DOCK5: variants seen among roughly 807,000 people sequenced by gnomAD.
The protein encoded by DOCK5 is dedicator of cytokinesis protein 5.
DOCK5 carries 142 observed loss-of-function variants against 251.8 expected under a neutral mutation model. The ratio of observed to expected loss-of-function variants is 0.56; its 90% CI spans 0.49 to 0.65. DOCK5 has a LOEUF of 0.65. Among genes scored for constraint, DOCK5 ranks in the 30% least tolerant of loss-of-function variants. The pLI, the probability that DOCK5 is intolerant of heterozygous loss-of-function variation, is 0.00. For missense variants in DOCK5, 2,111 were observed against 2,312.3 expected, an observed-to-expected ratio of 0.91 and a Z score of 1.79; for synonymous variants, 842 against 835.5, an observed-to-expected ratio of 1.01 and a Z score of -0.13.
chr8:25,195,068 G>A (rs765154408), intron 1 of DOCK5, among the ~76,000 whole-genome samples: 3 of 151,632 alleles, frequency 2.0e-5, no homozygotes, highest in African/African-American at 4.9e-5. Flanking sequence ...CTACAGGTGC[G>A]CATCACCACA....
At chr8:25,205,373 G>C (rs976958358) in intron 1 of DOCK5, among the ~76,000 whole-genome samples, 2 of 152,194 alleles carry the variant, frequency 1.3e-5, no homozygotes, top group African/African-American at 4.8e-5. Flanking sequence ...AACTGACCAT[G>C]ATGGTAACTT....
intron 11 of DOCK5, among the ~76,000 whole-genome samples, chr8:25,306,950 A>G (rs1032380154): frequency 6.6e-6 from 1 of 152,178 alleles, no homozygotes; most frequent in Non-Finnish European, 1.5e-5. Flanking sequence ...TTGCTCCTAG[A>G]CTGTAAACCT....
intron 2 of DOCK5, among the ~76,000 whole-genome samples, chr8:25,253,055 C>T (rs544059660): frequency 1.1e-3 from 162 of 152,298 alleles, no homozygotes; most frequent in East Asian, 9.7e-4. Context: ...AACTCCTGGC[C>T]TCATGTGATC....
chr8:25,248,222 T>G (rs976981464), intron 2 of DOCK5, among the ~76,000 whole-genome samples: 5 of 152,234 alleles, frequency 3.3e-5, no homozygotes, highest in African/African-American at 1.2e-4. Context: ...GATAGGTCCT[T>G]GTATCTGCTA....
intron 1 of DOCK5, among the ~76,000 whole-genome samples, chr8:25,215,093 A>T (rs1563310561): frequency 6.6e-6 from 1 of 152,090 alleles, no homozygotes. Context: ...AGCTGGGGGA[A>T]TCCTGGACTC....
chr8:25,220,412 G>A (rs1016137407), intron 1 of DOCK5, among the ~76,000 whole-genome samples: 2 of 152,032 alleles, frequency 1.3e-5, no homozygotes. Context: ...GCCTTTATCT[G>A]TAGAAATTTC....
At chr8:25,402,288 C>G (rs1801452100) in intron 47 of DOCK5, among the ~76,000 whole-genome samples, 1 of 151,952 alleles carries the variant, frequency 6.6e-6, no homozygotes, top group African/African-American at 2.4e-5. Context: ...CCACCACACC[C>G]AGCTAATTTT....
At chr8:25,391,580 G>C (rs1122115) in intron 42 of DOCK5, among the ~76,000 whole-genome samples, 9,445 of 152,164 alleles carry the variant, frequency 0.062, 365 homozygotes, top group South Asian at 0.1. Flanking sequence ...GCAGCCTGCA[G>C]TGAGCCAAGA....
chr8:25,229,129 C>G (rs113125968), intron 1 of DOCK5, among the ~76,000 whole-genome samples: 8 of 151,328 alleles, frequency 5.3e-5, no homozygotes, highest in African/African-American at 1.9e-4. Context: ...TTGAAGGCAA[C>G]GAAAAGTCGC....
intron 1 of DOCK5, among the ~76,000 whole-genome samples, chr8:25,196,114 T>A (rs929500955): frequency 6.6e-6 from 1 of 152,158 alleles, no homozygotes; most frequent in Non-Finnish European, 1.5e-5. Context: ...GTGAATCCTG[T>A]GGGGTGGGTG....
At chr8:25,233,428 C>T (rs937303912) in intron 1 of DOCK5, among the ~76,000 whole-genome samples, 6 of 152,222 alleles carry the variant, frequency 3.9e-5, no homozygotes, top group South Asian at 4.1e-4. Context: ...TTCCAACCCA[C>T]GTCATCCCAG....
Position 25,414,974 on chromosome 8 carries a change from T to C in DOCK5, c.*3676T>C, listed in dbSNP as rs1801686051. On this transcript the variant is annotated 3_prime_UTR_variant, in exon 52 of 52. Transcript: ENST00000276440. ...ATTCCTTCAGCCCTAGCTGCTTTTATTCTGCTTTTTATTTAAACAAAAAGA... is the reference window on the plus strand; with the variant it reads ...ATTCCTTCAGCCCTAGCTGCTTTTACTCTGCTTTTTATTTAAACAAAAAGA... 1.3e-5 allele frequency: 2 copies of C among 148,590 alleles called. No homozygotes were observed. Among genetic ancestry groups the C allele is most frequent in the Non-Finnish European group, 3.0e-5 (2 of 67,348 alleles). The allele number at this position is 148,590 out of a possible 1,614,324, so 9.2% of individuals were successfully genotyped here.
chr8:25,314,143 C>T (rs924229938), intron 13 of DOCK5, among the ~76,000 whole-genome samples: 1 of 119,068 alleles, frequency 8.4e-6, no homozygotes, highest in Admixed American at 1.1e-4. Context: ...CAAGGTCTTG[C>T]TCTGTAGCGC....
At chr8:25,384,471 T>TA (rs1801129022) in intron 40 of DOCK5, among the ~76,000 whole-genome samples, 1 of 26,814 alleles carries the variant, frequency 3.7e-5, no homozygotes, top group Non-Finnish European at 7.6e-5. Context: ...TTATTTTTTT[T>TA]TTTTTTGAGA....
chr8:25,281,288 T>C (rs1476142998), intron 5 of DOCK5, among the ~76,000 whole-genome samples: 1 of 151,252 alleles, frequency 6.6e-6, no homozygotes, highest in Non-Finnish European at 1.5e-5. Flanking sequence ...ATTAGCTGGG[T>C]GTAGTGGCTT....
At position 25,273,084 on chromosome 8, in the gene DOCK5, T is replaced by TGGCACAGC. The variant is rs749413092; in HGVS notation, c.169-2293_169-2286dup. Among the ~76,000 whole-genome samples, 1,357 of 152,154 alleles carry TGGCACAGC rather than the reference T, an allele frequency of 8.9e-3. 20 individuals are homozygous for TGGCACAGC. Among genetic ancestry groups the TGGCACAGC allele is most frequent in the African/African-American group, 0.031 (1,287 of 41,494 alleles). The stretch of plus-strand genomic sequence containing the variant: ...CATTTGCCGTGGCGCAGTGGCACAG[T>TGGCACAGC]GGCACAGCGGCACAGCAGGCAGAAG... On this transcript the variant is annotated intron_variant, in intron 3 of 51. Transcript: ENST00000276440.
At chr8:25,279,151 C>T (rs1401420945) in intron 5 of DOCK5, among the ~76,000 whole-genome samples, 1 of 152,156 alleles carries the variant, frequency 6.6e-6, no homozygotes, top group East Asian at 1.9e-4. Flanking sequence ...ACCTTACAGA[C>T]TCAGAAACTT....
intron 38 of DOCK5, among the ~76,000 whole-genome samples, chr8:25,378,326 G>A (rs2709623): frequency 0.51 from 76,790 of 151,960 alleles, 19,488 homozygotes; most frequent in East Asian, 0.59. Context: ...AAAATTCACC[G>A]GAACTCAGGA....
At chr8:25,341,056 A>G (rs1805944680) in intron 23 of DOCK5, 68 bp downstream of exon 23, 1 of 1,181,032 alleles carries the variant, frequency 8.5e-7, no homozygotes, top group Admixed American at 2.1e-5. Context: ...ACCGCTTAGA[A>G]TTGGCCATCA....
Sources: allele counts gnomAD v4.1 joint callset (sites outside exome capture counted in the v4.1 genomes callset), GRCh38; gene constraint gnomAD v4.1.1; transcripts MANE v1.5; gene names NCBI Gene and HGNC (gene_info 2026-07-23, HGNC 2026-07-21).